The following CYP11A1 variants were observed in gnomAD, a reference collection of about 807,000 sequenced individuals.
CYP11A1 encodes the protein cholesterol side-chain cleavage enzyme, mitochondrial.
Under a neutral mutation model 51.9 loss-of-function variants are expected in CYP11A1, and 25 were observed. The observed-to-expected ratio is 0.48, with a 90% CI of 0.35 to 0.67. CYP11A1 has a LOEUF of 0.67. CYP11A1 is among the 30% of genes least tolerant of loss of function. The pLI is 0.00. For missense variants in CYP11A1, 578 were observed against 680.9 expected, an observed-to-expected ratio of 0.85 and a Z score of 1.68; for synonymous variants, 245 against 262.1, an observed-to-expected ratio of 0.93 and a Z score of 0.63.
At chr15:74,346,806 T>C (rs994155912) in intron 2 of CYP11A1, among the ~76,000 whole-genome samples, 4 of 149,690 alleles carry the variant, frequency 2.7e-5, no homozygotes, top group Non-Finnish European at 3.0e-5. Context: ...TTTTCTTTTT[T>C]TTTTTTTTTT....
In CYP11A1 at chr15:74,339,378, C is replaced by T. The variant is rs2141231029; in HGVS notation, c.1158-63G>A. 1.9e-6 allele frequency: 3 copies of T among 1,547,896 alleles called. No homozygotes were observed. In the East Asian group the frequency reaches 6.7e-5, roughly 35 times the overall value. On this transcript the variant is annotated intron_variant, in intron 6 of 8. Transcript: ENST00000268053. ...AGGCTGGACACAGCCGCCGGAGCCC[C>T]ACACCCTGTGTGGCATCTCAGCCCT...
chr15:74,365,344 A>G (rs1014650425), intron 1 of CYP11A1: 7 of 150,298 alleles, frequency 4.7e-5, no homozygotes, highest in African/African-American at 1.7e-4. Flanking sequence ...TCCTCCTAGC[A>G]GGAAGCAAGC....
At chr15:74,367,057 G>T (rs2060736575) in intron 1 of CYP11A1, 3 of 528,536 alleles carry the variant, frequency 5.7e-6, no homozygotes, top group Non-Finnish European at 1.0e-5. Flanking sequence ...CCTTACAGAT[G>T]GCTGGCGGTC....
chr15:74,345,555 T>A lies in CYP11A1; in HGVS notation c.426-312A>T, dbSNP rs2060629280. Among the ~76,000 whole-genome samples, 2 of 152,300 alleles carry A rather than the reference T, an allele frequency of 1.3e-5. No individual in the cohort carries two copies. Among genetic ancestry groups the A allele is most frequent in the Non-Finnish European group, 2.9e-5 (2 of 68,020 alleles). On this transcript the variant is annotated intron_variant, in intron 2 of 8. Transcript: ENST00000268053. The surrounding 1 kb of genome is among the most constrained non-coding windows in gnomAD (Gnocchi z 4.3). Reference sequence around the variant, plus strand: ...TTTGTGTAACTTTCAGTCTCTCCAGTCTTTGCCTCAGCTGCAGGCATGCCT... The same window carrying A: ...TTTGTGTAACTTTCAGTCTCTCCAGACTTTGCCTCAGCTGCAGGCATGCCT...
intron 1 of CYP11A1, chr15:74,361,640 A>T: frequency 1.7e-6 from 2 of 1,194,174 alleles, no homozygotes; most frequent in Non-Finnish European, 2.5e-6. Flanking sequence ...ACAAGATTCC[A>T]AAAACAGCAG....
Position 74,351,373 on chromosome 15 carries a change from C to G in CYP11A1, c.270-3318G>C, listed in dbSNP as rs7181332. ...CCTGATCCCTACATGCGGTGCTGCT[C>G]GGAGCAAACTCATAAATGTTTCTGG... is the stretch of plus-strand genomic sequence containing the variant. On this transcript the variant is annotated intron_variant, in intron 1 of 8. Transcript: ENST00000268053. Among the ~76,000 whole-genome samples, 1,092 of 152,210 alleles carry G rather than the reference C, an allele frequency of 7.2e-3. 11 individuals are homozygous for G. Among genetic ancestry groups the G allele is most frequent in the African/African-American group, 0.025 (1,055 of 41,528 alleles).
In CYP11A1 at chr15:74,339,320, G is replaced by A. The variant is rs377242922; in HGVS notation, c.1158-5C>T. 833 of 1,613,778 alleles carry A rather than the reference G, an allele frequency of 5.2e-4. 11 individuals carry two copies. The South Asian group carries it at 8.2e-3, about 16-fold the overall frequency. On this transcript the variant is annotated splice_region_variant and splice_polypyrimidine_tract_variant and intron_variant, in intron 6 of 8. Transcript: ENST00000268053. Reference sequence around the variant, plus strand: ...GTCACGGAGATGGGGTGAAGTCTGCGGGAGGAGGGCACTCAGAAGCTGATG... The same window carrying A: ...GTCACGGAGATGGGGTGAAGTCTGCAGGAGGAGGGCACTCAGAAGCTGATG...
At chr15:74,338,370 CATCAGTGGGTG>C in intron 8 of CYP11A1, 190 bp downstream of exon 8, 2 of 717,966 alleles carry the variant, frequency 2.8e-6, no homozygotes, top group South Asian at 3.2e-5. Flanking sequence ...TGGCCAGGGG[CATCAGTGGGTG>C]ATGAGTGGTT....
intron 1 of CYP11A1, chr15:74,350,671 A>G (rs1293866013): frequency 6.6e-6 from 1 of 152,308 alleles, no homozygotes; most frequent in African/African-American, 2.4e-5. Context: ...ACTTTACTTC[A>G]TCCTCTCCAT....
intron 1 of CYP11A1, chr15:74,354,650 A>G (rs536660903): frequency 1.3e-3 from 211 of 160,920 alleles, no homozygotes; most frequent in Non-Finnish European, 2.3e-3. Flanking sequence ...CCTCAGACCA[A>G]CCAGCCCAAG....
chr15:74,361,218 A>G (rs976227954), intron 1 of CYP11A1, among the ~76,000 whole-genome samples: 1 of 152,232 alleles, frequency 6.6e-6, no homozygotes, highest in Non-Finnish European at 1.5e-5. Flanking sequence ...GTTTAGGTAC[A>G]TGGGATTGAC....
intron 1 of CYP11A1, chr15:74,365,910 G>A (rs1323388417): frequency 6.1e-6 from 6 of 985,596 alleles, no homozygotes; most frequent in African/African-American, 1.7e-5. Context: ...CAGCGCCCCC[G>A]TAACACCTCA....
At chr15:74,361,709 T>G in intron 1 of CYP11A1, 2 of 1,249,184 alleles carry the variant, frequency 1.6e-6, no homozygotes, top group South Asian at 2.4e-5. Flanking sequence ...GTTCCTGCTT[T>G]CACATAATTA....
intron 1 of CYP11A1, chr15:74,365,831 G>A (rs920823668): frequency 1.0e-4 from 103 of 985,506 alleles, no homozygotes; most frequent in Non-Finnish European, 1.2e-4. Flanking sequence ...AGGCCGGGCA[G>A]AGAAACGCAT....
Position 74,367,473 on chromosome 15 carries a change from G to A in CYP11A1, c.113C>T (p.Ala38Val), listed in dbSNP as rs1165551347. ...GRLRVPTGEG[A>V]GISTRSPRPF... is the part of the protein sequence containing the mutation. The stretch of plus-strand genomic sequence containing the variant: ...GCGAGGACTGCGGGTGGAGATGCCA[G>A]CTCCCTCGCCAGTGGGCACCCTGAG... Residue 38 changes from alanine (A) to valine (V), a missense_variant, in exon 1 of 9, where the codon GCT becomes GTT. By Grantham distance (64) the Ala-to-Val change is moderately conservative. Transcript: ENST00000268053. 2 of 1,614,242 alleles carry A rather than the reference G, an allele frequency of 1.2e-6. No homozygotes were observed. The highest frequency in any genetic ancestry group is 1.1e-5 in the South Asian group (1 of 91,084).
chr15:74,344,035 C>G, intron 3 of CYP11A1, 43 bp from the exon 4 acceptor site: 1 of 1,570,470 alleles, frequency 6.4e-7, no homozygotes, highest in Middle Eastern at 1.8e-4. Flanking sequence ...TCTGACGGGG[C>G]CATCTGAGAG....
chr15:74,346,319 C>A (rs2060632866), intron 2 of CYP11A1, among the ~76,000 whole-genome samples: 1 of 141,796 alleles, frequency 7.1e-6, no homozygotes, highest in Admixed American at 7.4e-5. Flanking sequence ...TGCCATTGCA[C>A]TCCAGCCTGG....
At chr15:74,353,798 T>C (rs2060665837) in intron 1 of CYP11A1, among the ~76,000 whole-genome samples, 1 of 152,228 alleles carries the variant, frequency 6.6e-6, no homozygotes, top group Non-Finnish European at 1.5e-5. Context: ...ATGATTTTTC[T>C]TAGTTCCTAG....
chr15:74,339,309 G>T lies in CYP11A1; in HGVS notation c.1164C>A (p.His388Gln), dbSNP rs537187397. The T allele has an allele frequency of 6.2e-7, 1 of 1,614,026 alleles. No homozygotes were observed. The highest frequency in any genetic ancestry group is 8.5e-7 in the Non-Finnish European group (1 of 1,179,950). ...KASIKETLRL[H>Q]PISVTLQRYL... ...ATCTCTGCAGGGTCACGGAGATGGG[G>T]TGAAGTCTGCGGGAGGAGGGCACTC... Residue 388 changes from histidine to glutamine, a missense_variant, in exon 7 of 9, where the codon CAC (histidine) becomes CAA (glutamine). His to Gln is a conservative substitution (Grantham distance 24). Transcript: ENST00000268053.
Sources: allele counts gnomAD v4.1 joint callset (sites outside exome capture counted in the v4.1 genomes callset), GRCh38; gene constraint gnomAD v4.1.1; non-coding constraint Gnocchi (gnomAD v3.1); transcripts MANE v1.5; gene names NCBI Gene and HGNC (gene_info 2026-07-23, HGNC 2026-07-21).